The following DPEP1 variants were observed in gnomAD, a reference collection of about 807,000 sequenced individuals.
The protein encoded by DPEP1 is beta-lactamase.
DPEP1 carries 50 observed loss-of-function variants against 42.3 expected under a neutral mutation model. The observed-to-expected ratio is 1.18, with a 90% CI of 0.94 to 1.50. The LOEUF is 1.50. Ranked by LOEUF, DPEP1 falls within the 40% of genes most tolerant of loss-of-function variation. The probability of loss-of-function intolerance (pLI) is 0.00; values close to 1 mark genes in which losing one functional copy is unlikely to be tolerated. For synonymous variants in DPEP1, 297 were observed against 234.0 expected (o/e 1.27, Z -2.46); for missense variants, 663 against 553.0 (o/e 1.20, Z -1.99).
chr16:89,623,000 G>C (rs2059465155), intron 1 of DPEP1, among the ~76,000 whole-genome samples: 2 of 152,092 alleles, frequency 1.3e-5, no homozygotes, highest in Admixed American at 6.6e-5. Flanking sequence ...CCGGGAGTGA[G>C]GAAGACGCTG....
upstream of DPEP1, chr16:89,613,524 C>G (rs1415921569): frequency 6.6e-6 from 1 of 152,466 alleles, no homozygotes; most frequent in Non-Finnish European, 1.5e-5. Flanking sequence ...TTCCCCTCCC[C>G]TCCTCCATTT....
intron 1 of DPEP1, among the ~76,000 whole-genome samples, chr16:89,626,693 C>G (rs1032883061): frequency 4.0e-5 from 6 of 151,884 alleles, no homozygotes; most frequent in Admixed American, 6.6e-5. Context: ...GTCCCCCCCT[C>G]AAACTCTCTC....
At position 89,637,727 on chromosome 16, in the gene DPEP1, G is replaced by A; in HGVS notation, c.929+20G>A. ...TCCAAGGTAAGGGGCTGAGAGCTCT[G>A]TCCTGTGGATGAGCCGGGAGGTTCA... On this transcript the variant is annotated intron_variant, in intron 9 of 10. Coordinates refer to ENST00000690203, the MANE Select transcript of DPEP1 (RefSeq NM_001389466.1). The A allele has an allele frequency of 1.2e-6, 2 of 1,613,064 alleles. No homozygotes were observed. Among genetic ancestry groups the A allele is most frequent in the Non-Finnish European group, 1.7e-6 (2 of 1,179,962 alleles).
intron 1 of DPEP1, among the ~76,000 whole-genome samples, chr16:89,620,063 G>A (rs985438691): frequency 6.6e-6 from 1 of 150,386 alleles, no homozygotes; most frequent in Non-Finnish European, 1.5e-5. Flanking sequence ...AAGCCAGCCT[G>A]GTCTCCAGCT....
rs755483925 is a variant in DPEP1, at chr16:89,637,979, T to C, written c.1065+8T>C. The stretch of plus-strand genomic sequence containing the variant: ...TTCGAGGCTGTGGAACAGGTGAGGA[T>C]GGGGTGGCCACCTGAGTCTCCCCCA... On this transcript the variant is annotated splice_region_variant and intron_variant, in intron 10 of 10. Transcript: ENST00000690203. 1 of 1,607,550 alleles carries C rather than the reference T, an allele frequency of 6.2e-7. No individual in the cohort carries two copies. The highest frequency in any genetic ancestry group is 1.3e-5 in the African/African-American group (1 of 74,906).
At chr16:89,623,924 G>T (rs1056876158) in intron 1 of DPEP1, among the ~76,000 whole-genome samples, 1 of 152,128 alleles carries the variant, frequency 6.6e-6, no homozygotes, top group Non-Finnish European at 1.5e-5. Context: ...AAGTCGTGGC[G>T]CTCCGAGGAA....
At chr16:89,626,937 G>A (rs1022919585) in intron 1 of DPEP1, among the ~76,000 whole-genome samples, 2 of 151,654 alleles carry the variant, frequency 1.3e-5, no homozygotes, top group African/African-American at 4.8e-5. Context: ...GGCCAACATG[G>A]TGAAACTGTC....
At chr16:89,625,149 G>C (rs76527868) in intron 1 of DPEP1, among the ~76,000 whole-genome samples, 6 of 152,104 alleles carry the variant, frequency 3.9e-5, no homozygotes, top group Admixed American at 1.3e-4. Flanking sequence ...CTTTGGCCTC[G>C]GACTCTCTCC....
chr16:89,638,071 C>G lies in DPEP1; in HGVS notation c.1085C>G (p.Ala362Gly). 6.2e-7 allele frequency: 1 copy of G among 1,612,272 alleles called. No homozygotes were observed. Among genetic ancestry groups the G allele is most frequent in the Middle Eastern group, 1.7e-4 (1 of 6,056 alleles). The change falls in exon 11 of 11, where the codon GCT becomes GGT. Residue 362 changes from alanine (A) to glycine (G), a missense_variant. Coordinates refer to ENST00000690203, the MANE Select transcript of DPEP1 (RefSeq NM_001389466.1). Reference sequence around the variant, plus strand: ...CCCCAGGCCAGCAACCTCACACAGGCTCCCGAGGAGGAGCCCATCCCGCTG... The same window carrying G: ...CCCCAGGCCAGCAACCTCACACAGGGTCCCGAGGAGGAGCCCATCCCGCTG... Reference protein sequence around the residue: ...AVEQASNLTQAPEEEPIPLDQ... With the variant: ...AVEQASNLTQGPEEEPIPLDQ...
rs753347684 is a variant in DPEP1, at chr16:89,635,987, G to A, written c.184G>A (p.Ala62Thr). The A allele has an allele frequency of 2.2e-5, 36 of 1,612,196 alleles. 1 individual carries two copies. In the South Asian group the frequency reaches 2.3e-4, roughly 10 times the overall value. ...CGAGAGGGCCAACCTGACCACCTTGGCCGGCACACACACCAACATCCCCAA... is the reference window on the plus strand; with the variant it reads ...CGAGAGGGCCAACCTGACCACCTTGACCGGCACACACACCAACATCCCCAA... Reference protein sequence around the residue: ...QDERANLTTLAGTHTNIPKLR... With the variant: ...QDERANLTTLTGTHTNIPKLR... The change falls in exon 3 of 11, where the codon GCC becomes ACC. Residue 62 changes from alanine to threonine, a missense_variant. By Grantham distance (58) the Ala-to-Thr change is moderately conservative. Transcript: ENST00000690203.
chr16:89,638,219 G>T lies in DPEP1; in HGVS notation c.1233G>T (p.Leu411=). The T allele has an allele frequency of 6.4e-7, 1 of 1,553,984 alleles. No individual in the cohort carries two copies. The highest frequency in any genetic ancestry group is 1.8e-4 in the Middle Eastern group (1 of 5,470). The change falls in exon 11 of 11, where the codon CTG becomes CTT. Residue 411 remains leucine (L), a synonymous_variant. Transcript: ENST00000690203. ...CCCTGGTCCTCTGTCTGTCTCTCCT[G>T]TGAAACCTGGGAGACCAGAGTCCCC... ...LAPLVLCLSL[L]
At chr16:89,624,041 A>T (rs1177603519) in intron 1 of DPEP1, among the ~76,000 whole-genome samples, 4 of 152,144 alleles carry the variant, frequency 2.6e-5, no homozygotes, top group African/African-American at 9.7e-5. Context: ...CTGAGGGACA[A>T]AGGTTTCCCG....
chr16:89,629,051 T>A (rs1345242142), intron 1 of DPEP1, among the ~76,000 whole-genome samples: 1 of 152,182 alleles, frequency 6.6e-6, no homozygotes, highest in African/African-American at 2.4e-5. Flanking sequence ...TGTCTTGAAC[T>A]CCTGACCTCA....
chr16:89,637,341 A>G lies in DPEP1; in HGVS notation c.729A>G (p.Ala243=), dbSNP rs1271310096. The change falls in exon 7 of 11, where the codon GCA becomes GCG. Residue 243 remains alanine (A), a synonymous_variant. Transcript: ENST00000690203. ...ACTCCTCGGCCTACAGCGTGTGCGC[A>G]AGCCGGCGCAACGTGCCTGACGACG... is the stretch of plus-strand genomic sequence containing the variant. ...FSHSSAYSVC[A]SRRNVPDDVL... is the part of the protein sequence containing the mutation. The G allele has an allele frequency of 6.2e-7, 1 of 1,612,408 alleles. No individual in the cohort carries two copies. Among genetic ancestry groups the G allele is most frequent in the East Asian group, 2.2e-5 (1 of 44,878 alleles).
At position 89,637,977 on chromosome 16, in the gene DPEP1, G is replaced by A. The variant is rs780592076; in HGVS notation, c.1065+6G>A. ...TCTTCGAGGCTGTGGAACAGGTGAG[G>A]ATGGGGTGGCCACCTGAGTCTCCCC... On this transcript the variant is annotated splice_donor_region_variant and intron_variant, in intron 10 of 10. Transcript: ENST00000690203. 6.2e-7 allele frequency: 1 copy of A among 1,607,728 alleles called. No individual in the cohort carries two copies. The highest frequency in any genetic ancestry group is 1.3e-5 in the African/African-American group (1 of 74,804).
intron 1 of DPEP1, among the ~76,000 whole-genome samples, chr16:89,615,334 T>A (rs466625): frequency 6.6e-6 from 1 of 152,220 alleles, no homozygotes; most frequent in East Asian, 1.9e-4. Context: ...TCCCACTGGG[T>A]ACAGAGCGGG....
rs770047218 is a variant in DPEP1, at chr16:89,636,890, G to T, written c.546G>T (p.Thr182=). The T allele has an allele frequency of 6.2e-7, 1 of 1,612,562 alleles. No homozygotes were observed. Among genetic ancestry groups the T allele is most frequent in the South Asian group, 1.1e-5 (1 of 91,076 alleles). The part of the protein sequence containing the change: ...TPWADNWLVD[T]GDSEPQSQGL... The stretch of plus-strand genomic sequence containing the variant: ...GGGCTGACAACTGGCTGGTGGACAC[G>T]GGAGACAGCGAGCCCCAGAGCCAAG... Residue 182 remains threonine (T), a synonymous_variant, in exon 6 of 11, where the codon ACG becomes ACT. Transcript: ENST00000690203.
chr16:89,632,847 C>T (rs919543156), intron 2 of DPEP1, among the ~76,000 whole-genome samples: 15 of 152,132 alleles, frequency 9.9e-5, no homozygotes, highest in Admixed American at 3.9e-4. Context: ...TGCTTGAACC[C>T]AGAAGGTTGG....
At position 89,637,905 on chromosome 16, in the gene DPEP1, G is replaced by A. The variant is rs998187092; in HGVS notation, c.999G>A (p.Trp333Ter). 17 of 1,612,284 alleles carry A rather than the reference G, an allele frequency of 1.1e-5. No homozygotes were observed. The highest frequency in any genetic ancestry group is 8.5e-7 in the Non-Finnish European group (1 of 1,179,744). ...TCGCTGAGCTGCTCAGGAGGAACTG[G>A]ACGGAGGCGGAGGTCAAGGGCGCAC... Reference protein sequence around the residue: ...DLIAELLRRNWTEAEVKGALA... With the variant: ...DLIAELLRRN Residue 333 changes from tryptophan to a stop codon, truncating the protein, a stop_gained, in exon 10 of 11, where the codon TGG (tryptophan) becomes TGA (stop). Transcript: ENST00000690203. LOFTEE classifies it high-confidence loss of function.
Sources: allele counts gnomAD v4.1 joint callset (sites outside exome capture counted in the v4.1 genomes callset), GRCh38; gene constraint gnomAD v4.1.1; transcripts MANE v1.5; gene names NCBI Gene and HGNC (gene_info 2026-07-23, HGNC 2026-07-21).